Variants in KAZN observed in about 807,000 individuals in gnomAD.
KAZN encodes kazrin.
A neutral mutation model predicts 87.4 loss-of-function variants in KAZN; 40 were observed. That is an observed-to-expected ratio of 0.46 (90% CI 0.36 to 0.60). The LOEUF is 0.60. Ranked by LOEUF, KAZN falls within the 20% of genes least tolerant of loss-of-function variation. The pLI is 0.00. For synonymous variants in KAZN, 466 were observed against 458.3 expected (o/e 1.02, Z -0.22); for missense variants, 898 against 1,073.9 (o/e 0.84, Z 2.29).
intron 1 of KAZN, among the ~76,000 whole-genome samples, chr1:14,099,910 T>C (rs1228255226): frequency 6.6e-6 from 1 of 152,218 alleles, no homozygotes. Context: ...GCATTGTGGT[T>C]ATACTCCCTT....
intron 2 of KAZN, among the ~76,000 whole-genome samples, chr1:14,455,353 T>C (rs1667508372): frequency 6.6e-6 from 1 of 152,208 alleles, no homozygotes. Context: ...GACAGAGATA[T>C]CATGTCTCAC....
chr1:14,325,221 T>G lies in KAZN; in HGVS notation c.249+144629T>G, dbSNP rs184383711. Among the ~76,000 whole-genome samples the G allele has an allele frequency of 3.9e-5, 6 of 152,280 alleles. No individual in the cohort carries two copies. In the East Asian group the frequency reaches 1.2e-3, roughly 29 times the overall value. ...ACCTCGGATATTCTTGCATGGAGATTAAAGACAACAGCCACCATCACTCTG... is the reference window on the plus strand; with the variant it reads ...ACCTCGGATATTCTTGCATGGAGATGAAAGACAACAGCCACCATCACTCTG... On this transcript the variant is annotated intron_variant, in intron 2 of 16. Coordinates refer to the KAZN transcript ENST00000636203.
At chr1:14,385,428 C>G (rs1390482153) in intron 2 of KAZN, among the ~76,000 whole-genome samples, 6 of 152,082 alleles carry the variant, frequency 3.9e-5, no homozygotes, top group African/African-American at 1.4e-4. Context: ...TGGATCTTTC[C>G]TGCTTTCTCT....
intron 2 of KAZN, among the ~76,000 whole-genome samples, chr1:14,449,976 T>C (rs566356610): frequency 4.6e-5 from 7 of 152,304 alleles, no homozygotes; most frequent in African/African-American, 1.7e-4. Context: ...TTTTAACTCT[T>C]AATGGCCCCT....
At chr1:14,302,570 T>G (rs1484840434) in intron 2 of KAZN, among the ~76,000 whole-genome samples, 1 of 152,216 alleles carries the variant, frequency 6.6e-6, no homozygotes, top group African/African-American at 2.4e-5. Context: ...AGATTCCAGG[T>G]GTAACAAGAA....
intron 1 of KAZN, among the ~76,000 whole-genome samples, chr1:14,631,054 C>T (rs987760325): frequency 6.6e-6 from 1 of 152,130 alleles, no homozygotes; most frequent in Non-Finnish European, 1.5e-5. Flanking sequence ...ATCCATTTTT[C>T]CCTGACTCTT....
intron 2 of KAZN, among the ~76,000 whole-genome samples, chr1:14,247,102 A>G (rs1649585524): frequency 6.6e-6 from 1 of 152,142 alleles, no homozygotes; most frequent in Non-Finnish European, 1.5e-5. Flanking sequence ...ACTAGATTGT[A>G]TGGGAGTAGA....
intron 1 of KAZN, among the ~76,000 whole-genome samples, chr1:14,861,592 C>A (rs1172544826): frequency 6.6e-6 from 1 of 152,130 alleles, no homozygotes; most frequent in Non-Finnish European, 1.5e-5. Flanking sequence ...CTACGACTTC[C>A]TTCCAGGGAA....
chr1:14,281,172 T>A (rs1652816147), intron 2 of KAZN, among the ~76,000 whole-genome samples: 1 of 152,302 alleles, frequency 6.6e-6, no homozygotes, highest in Non-Finnish European at 1.5e-5. Flanking sequence ...TTTGATCTAG[T>A]TGGTCAAAAC....
chr1:14,550,650 A>G (rs192866517), intron 2 of KAZN, among the ~76,000 whole-genome samples: 1,584 of 150,980 alleles, frequency 0.01, 13 homozygotes, highest in Non-Finnish European at 0.015. Context: ...CGAATAAGTT[A>G]ATTAGCAGCA....
intron 1 of KAZN, among the ~76,000 whole-genome samples, chr1:14,736,303 A>AT (rs1211603234): frequency 5.7e-4 from 65 of 114,868 alleles, no homozygotes; most frequent in Admixed American, 9.5e-4. Context: ...GTGTGTGTAT[A>AT]TTTTTTTTTT....
chr1:14,371,810 G>C (rs946670115), intron 2 of KAZN, among the ~76,000 whole-genome samples: 1 of 152,102 alleles, frequency 6.6e-6, no homozygotes, highest in African/African-American at 2.4e-5. Flanking sequence ...CAAGAAACAG[G>C]AGAATTATCT....
intron 1 of KAZN, among the ~76,000 whole-genome samples, chr1:14,107,913 T>G (rs1304871028): frequency 6.6e-6 from 1 of 152,206 alleles, no homozygotes; most frequent in Non-Finnish European, 1.5e-5. Context: ...CTTTATGTAC[T>G]TGAACCGGTA....
At chr1:14,472,334 C>T (rs1007974202) in intron 2 of KAZN, among the ~76,000 whole-genome samples, 1 of 152,188 alleles carries the variant, frequency 6.6e-6, no homozygotes, top group African/African-American at 2.4e-5. Flanking sequence ...AAATGACAAA[C>T]ATTTTACTCT....
At chr1:14,890,840 CTTTTTT>C (rs34718502) in intron 1 of KAZN, among the ~76,000 whole-genome samples, 1 of 69,676 alleles carries the variant, frequency 1.4e-5, no homozygotes, top group Non-Finnish European at 2.5e-5. Flanking sequence ...GGAATCTGGA[CTTTTTT>C]TTTTTTTTTT....
intron 2 of KAZN, among the ~76,000 whole-genome samples, chr1:14,969,220 T>A (rs116009707): frequency 0.011 from 1,658 of 152,364 alleles, 28 homozygotes; most frequent in African/African-American, 0.037. Context: ...TAGACACACA[T>A]CCTTGTCACC....
At chr1:14,413,776 A>G (rs944294245) in intron 2 of KAZN, among the ~76,000 whole-genome samples, 5 of 152,160 alleles carry the variant, frequency 3.3e-5, no homozygotes, top group African/African-American at 4.8e-5. Context: ...GTAAAATGCA[A>G]ATCACAGAGT....
intron 1 of KAZN, among the ~76,000 whole-genome samples, chr1:13,931,823 C>G (rs542474880): frequency 6.6e-6 from 1 of 152,084 alleles, no homozygotes; most frequent in South Asian, 2.1e-4. Context: ...ATATAAGACA[C>G]CTTACAAAGG....
intron 2 of KAZN, among the ~76,000 whole-genome samples, chr1:14,373,832 G>T (rs1169741894): frequency 6.6e-6 from 1 of 152,190 alleles, no homozygotes; most frequent in African/African-American, 2.4e-5. Flanking sequence ...TATTAAAGAT[G>T]AAAGTTGTGC....
Sources: gnomAD v4.1 joint callset for allele counts (sites outside exome capture counted in the v4.1 genomes callset) on GRCh38, gnomAD v4.1.1 for gene constraint, MANE v1.5 for transcripts, NCBI Gene and HGNC (gene_info 2026-07-23, HGNC 2026-07-21) for gene names.